The following AHCY variants were observed in gnomAD, a reference collection of about 807,000 sequenced individuals.
AHCY encodes S-adenosyl-L-homocysteine hydrolase.
Under a neutral mutation model 45.4 loss-of-function variants are expected in AHCY, and 24 were observed. The observed-to-expected ratio is 0.53, with a 90% CI of 0.38 to 0.74. The LOEUF is 0.74. AHCY is among the 30% of genes least tolerant of loss of function. The pLI is 0.00. For missense variants in AHCY, 449 were observed against 594.1 expected (o/e 0.76, Z 2.54); for synonymous variants, 245 against 235.1 (o/e 1.04, Z -0.39).
At position 34,290,096 on chromosome 20, in the gene AHCY, GAGTGATCTTTCTAAAA is replaced by G. The variant is rs1420269039; in HGVS notation, c.972+220_972+235del. On this transcript the variant is annotated intron_variant, in intron 8 of 9. Coordinates refer to ENST00000217426, the MANE Select transcript of AHCY (RefSeq NM_000687.4). The surrounding 1 kb of genome is among the most constrained non-coding windows in gnomAD (Gnocchi z 4.5). ...GCTTTTATTCTGCACACAGTAGCTA[GAGTGATCTTTCTAAAA>G]CTACAGCCTCACCACATACAGCTCA... Among the ~76,000 whole-genome samples, 2 of 152,226 alleles carry G rather than the reference GAGTGATCTTTCTAAAA, an allele frequency of 1.3e-5. No homozygotes were observed. The highest frequency in any genetic ancestry group is 2.9e-5 in the Non-Finnish European group (2 of 68,036).
chr20:34,282,619 G>A (rs2036040023), intron 9 of AHCY, among the ~76,000 whole-genome samples: 1 of 152,162 alleles, frequency 6.6e-6, no homozygotes, highest in South Asian at 2.1e-4. Flanking sequence ...AGGAAATCAA[G>A]GTTCAGAAAC....
At chr20:34,303,185 G>T in intron 1 of AHCY, 58 bp downstream of exon 1, 1 of 1,549,398 alleles carries the variant, frequency 6.5e-7, no homozygotes, top group East Asian at 2.4e-5. Context: ...CCCCCGCCAC[G>T]AACAAGCCCC....
intron 2 of AHCY, among the ~76,000 whole-genome samples, chr20:34,294,972 C>T (rs1471082456): frequency 6.6e-6 from 1 of 152,190 alleles, no homozygotes; most frequent in African/African-American, 2.4e-5. Flanking sequence ...CTCTCTGAGA[C>T]CTTAGGAGAG....
At chr20:34,259,645 G>C in the AHCY span, among the ~76,000 whole-genome samples, 1 of 152,188 alleles carries the variant, frequency 6.6e-6, no homozygotes, top group Admixed American at 6.5e-5. Context: ...ACTGGGGCAG[G>C]AGACTGAGGC....
At chr20:34,285,899 G>A (rs753533844) in intron 8 of AHCY, 17 of 455,014 alleles carry the variant, frequency 3.7e-5, no homozygotes, top group African/African-American at 1.0e-4. Flanking sequence ...AGGAGATCGA[G>A]ATTATCTTGG....
At chr20:34,302,514 T>G in intron 1 of AHCY, 1 of 773,974 alleles carries the variant, frequency 1.3e-6, no homozygotes, top group Non-Finnish European at 1.6e-6. Context: ...CATCATAAAA[T>G]GAGAACAGTT....
rs1276276381 is a variant in AHCY, at chr20:34,303,289, G to T, written c.-19C>A. 1 of 1,551,650 alleles carries T rather than the reference G, an allele frequency of 6.4e-7. No homozygotes were observed. The highest frequency in any genetic ancestry group is 1.4e-5 in the African/African-American group (1 of 73,076). On this transcript the variant is annotated 5_prime_UTR_variant, in exon 1 of 10. Coordinates refer to ENST00000217426, the MANE Select transcript of AHCY (RefSeq NM_000687.4). Reference sequence around the variant, plus strand: ...CAGACATGCTGGCGGCACTCGTGATGGAAACGGGCGAAGGGGGCTGGGCCT... The same window carrying T: ...CAGACATGCTGGCGGCACTCGTGATTGAAACGGGCGAAGGGGGCTGGGCCT...
intron 8 of AHCY, among the ~76,000 whole-genome samples, chr20:34,289,621 G>A (rs144056687): frequency 6.6e-6 from 1 of 151,716 alleles, no homozygotes; most frequent in Admixed American, 6.6e-5. Flanking sequence ...GGGATTACAG[G>A]TGCCCGCCAC....
At position 34,303,303 on chromosome 20, in the gene AHCY, G is replaced by A. The variant is rs986133318; in HGVS notation, c.-33C>T. On this transcript the variant is annotated 5_prime_UTR_variant, in exon 1 of 10. Transcript: ENST00000217426. The stretch of plus-strand genomic sequence containing the variant: ...GCACTCGTGATGGAAACGGGCGAAG[G>A]GGGCTGGGCCTCAGTCTGGGAACAG... 13 of 1,551,626 alleles carry A rather than the reference G, an allele frequency of 8.4e-6. No individual in the cohort carries two copies. Among genetic ancestry groups the A allele is most frequent in the African/African-American group, 4.1e-5 (3 of 73,072 alleles).
the AHCY span, chr20:34,262,963 A>C: frequency 1.3e-6 from 2 of 1,559,762 alleles, no homozygotes; most frequent in Non-Finnish European, 1.8e-6. Flanking sequence ...GAGGACCCCC[A>C]ACCTCTGGCT....
At chr20:34,243,855 G>A in the AHCY span, among the ~76,000 whole-genome samples, 1 of 151,688 alleles carries the variant, frequency 6.6e-6, no homozygotes, top group African/African-American at 2.4e-5. Flanking sequence ...ATGAAGTCAG[G>A]AGATCGAGAC....
At chr20:34,303,380 T>C (rs1025295358), upstream of AHCY, 1 of 1,469,422 alleles carries the variant, frequency 6.8e-7, no homozygotes, top group African/African-American at 1.4e-5. Context: ...CCGACGCCTT[T>C]AAATATCTTC....
chr20:34,295,346 G>A (rs751644888), intron 2 of AHCY, 49 bp downstream of exon 2: 5 of 1,605,890 alleles, frequency 3.1e-6, no homozygotes, highest in Non-Finnish European at 4.3e-6. Context: ...TTCCCTGGCT[G>A]AACCCAGGGA....
chr20:34,258,674 C>CATATATATATATAT, the AHCY span, among the ~76,000 whole-genome samples: 544 of 12,140 alleles, frequency 0.045, 90 homozygotes, highest in Non-Finnish European at 0.055. Context: ...AGGGGGATGC[C>CATATATATATATAT]ATATATATAT....
rs762029828 is a variant in AHCY, at chr20:34,295,530, C to T, written c.84G>A (p.Glu28=). 1 of 1,614,164 alleles carries T rather than the reference C, an allele frequency of 6.2e-7. No homozygotes were observed. The highest frequency in any genetic ancestry group is 1.1e-5 in the South Asian group (1 of 91,086). Reference sequence around the variant, plus strand: ...CCCGCATACGCATCAGGCCCGGCATCTCGTTCTCAGCAATGTCCAGGGCCT... The same window carrying T: ...CCCGCATACGCATCAGGCCCGGCATTTCGTTCTCAGCAATGTCCAGGGCCT... ...GRKALDIAEN[E]MPGLMRMRER... The change falls in exon 2 of 10, where the codon GAG becomes GAA. Residue 28 remains glutamate, a synonymous_variant. Coordinates refer to ENST00000217426, the MANE Select transcript of AHCY (RefSeq NM_000687.4).
rs1158800093 is a variant in AHCY at position 34,280,526 on chromosome 20, T to G, written c.*508A>C. On this transcript the variant is annotated 3_prime_UTR_variant, in exon 10 of 10. Coordinates refer to ENST00000217426, the MANE Select transcript of AHCY (RefSeq NM_000687.4). ...ACAGGGACTAAAAGTACTAACCTCA[T>G]TGTAATGAGGTTTAAGAGAAGGCCC... 5.0e-6 allele frequency: 1 copy of G among 201,934 alleles called. No individual in the cohort carries two copies. The highest frequency in any genetic ancestry group is 2.3e-5 in the African/African-American group (1 of 43,588). 12.5% of individuals were successfully genotyped at this position (201,934 alleles called of 1,614,324 possible). A position where few individuals can be genotyped will look rare whatever the true frequency, so the allele number is the denominator to read the frequency against.
the AHCY span, among the ~76,000 whole-genome samples, chr20:34,249,577 G>A: frequency 6.6e-6 from 1 of 152,122 alleles, no homozygotes; most frequent in African/African-American, 2.4e-5. Context: ...GTGCTTAAAG[G>A]GCCAATGGCT....
the AHCY span, among the ~76,000 whole-genome samples, chr20:34,257,779 G>A: frequency 2.6e-5 from 4 of 152,142 alleles, no homozygotes; most frequent in African/African-American, 7.2e-5. Context: ...CAAATCTGAA[G>A]TCTGATAAAT....
At chr20:34,251,340 G>A in the AHCY span, among the ~76,000 whole-genome samples, 7 of 151,208 alleles carry the variant, frequency 4.6e-5, no homozygotes, top group Admixed American at 6.6e-5. Flanking sequence ...GCGTGATGTC[G>A]GCTCACTGCA....
Sources: allele counts gnomAD v4.1 joint callset (sites outside exome capture counted in the v4.1 genomes callset), GRCh38; gene constraint gnomAD v4.1.1; non-coding constraint Gnocchi (gnomAD v3.1); transcripts MANE v1.5; gene names NCBI Gene and HGNC (gene_info 2026-07-23, HGNC 2026-07-21).